Variants in TBCK observed in about 807,000 individuals in gnomAD.
TBCK encodes the protein TBC domain-containing protein kinase-like protein.
In TBCK, 99 loss-of-function variants were observed where a neutral mutation model predicts 113.4. The ratio of observed to expected loss-of-function variants is 0.87; its 90% confidence interval spans 0.74 to 1.03. TBCK has a LOEUF of 1.03. Ranked by LOEUF, TBCK falls within the 50% of genes least tolerant of loss-of-function variation. TBCK has a pLI of 0.00. For missense variants in TBCK, 1,045 were observed against 1,061.3 expected (o/e 0.98, Z 0.21); for synonymous variants, 369 against 370.8 (o/e 1.00, Z 0.05).
chr4:106,147,477 C>T (rs902412959), intron 23 of TBCK, among the ~76,000 whole-genome samples: 5 of 152,174 alleles, frequency 3.3e-5, no homozygotes, highest in Non-Finnish European at 5.9e-5. Flanking sequence ...GGCAGAAGAA[C>T]GTGGATTGTG....
At chr4:106,131,415 C>A (rs1484981398) in intron 23 of TBCK, among the ~76,000 whole-genome samples, 5 of 152,172 alleles carry the variant, frequency 3.3e-5, no homozygotes, top group African/African-American at 1.2e-4. Flanking sequence ...GAGTTTGAGA[C>A]CAGCCTGACC....
chr4:106,104,392 G>C (rs1741900115), intron 24 of TBCK, among the ~76,000 whole-genome samples: 1 of 152,252 alleles, frequency 6.6e-6, no homozygotes, highest in African/African-American at 2.4e-5. Flanking sequence ...CCAGCCTTCA[G>C]GCTTTGGACA....
At chr4:106,122,530 C>T (rs970370856) in intron 23 of TBCK, among the ~76,000 whole-genome samples, 41 of 152,278 alleles carry the variant, frequency 2.7e-4, no homozygotes, top group African/African-American at 9.6e-4. Context: ...TTTTATGAGG[C>T]CAGCATCATC....
intron 20 of TBCK, among the ~76,000 whole-genome samples, chr4:106,198,715 G>T (rs1466791801): frequency 6.6e-6 from 1 of 151,454 alleles, no homozygotes; most frequent in Non-Finnish European, 1.5e-5. Flanking sequence ...CTTAATTCTG[G>T]GTATATTCAT....
At chr4:106,157,194 T>C (rs2149697324) in intron 23 of TBCK, among the ~76,000 whole-genome samples, 1 of 152,210 alleles carries the variant, frequency 6.6e-6, no homozygotes, top group Non-Finnish European at 1.5e-5. Context: ...TCTATCCTAC[T>C]GTGGATGAGC....
chr4:106,073,042 CA>C (rs1737678536), intron 25 of TBCK, among the ~76,000 whole-genome samples: 1 of 152,182 alleles, frequency 6.6e-6, no homozygotes, highest in Non-Finnish European at 1.5e-5. Context: ...TGGGTTCGAA[CA>C]TCCTCCTTTA....
At chr4:106,217,031 G>A (rs1403733424) in intron 19 of TBCK, among the ~76,000 whole-genome samples, 1 of 152,036 alleles carries the variant, frequency 6.6e-6, no homozygotes, top group African/African-American at 2.4e-5. Context: ...GATCAAGTGG[G>A]CTTCATCCCT....
chr4:106,084,760 G>A (rs112200796), intron 25 of TBCK, among the ~76,000 whole-genome samples: 4,179 of 152,268 alleles, frequency 0.027, 188 homozygotes, highest in African/African-American at 0.096. Flanking sequence ...AACTCTACAA[G>A]CCAGAAGAGA....
intron 23 of TBCK, among the ~76,000 whole-genome samples, chr4:106,163,839 A>G (rs753795277): frequency 4.2e-4 from 64 of 152,140 alleles, no homozygotes; most frequent in Non-Finnish European, 7.2e-4. Flanking sequence ...AACCATATCA[A>G]TCTCTGTCTG....
At chr4:106,295,497 G>C (rs1315473450) in intron 2 of TBCK, among the ~76,000 whole-genome samples, 1 of 152,126 alleles carries the variant, frequency 6.6e-6, no homozygotes, top group Non-Finnish European at 1.5e-5. Context: ...AAGATTAGAT[G>C]AATATATAAA....
At chr4:106,079,399 G>A (rs1171680451) in intron 25 of TBCK, among the ~76,000 whole-genome samples, 2 of 152,196 alleles carry the variant, frequency 1.3e-5, no homozygotes, top group Non-Finnish European at 2.9e-5. Flanking sequence ...CTTCACAGAT[G>A]ATATGATTGT....
At chr4:106,196,269 A>G (rs932577384) in intron 20 of TBCK, among the ~76,000 whole-genome samples, 22 of 151,842 alleles carry the variant, frequency 1.4e-4, no homozygotes, top group African/African-American at 5.3e-4. Context: ...GAAGTGACAA[A>G]TCATCCTTAA....
chr4:106,088,189 T>C (rs1739737548), intron 25 of TBCK, among the ~76,000 whole-genome samples: 1 of 152,214 alleles, frequency 6.6e-6, no homozygotes, highest in Non-Finnish European at 1.5e-5. Context: ...GAGAAAATTC[T>C]TGCAATCTAC....
intron 25 of TBCK, among the ~76,000 whole-genome samples, chr4:106,071,161 G>A (rs918052578): frequency 1.3e-5 from 2 of 151,970 alleles, no homozygotes; most frequent in African/African-American, 4.8e-5. Context: ...GTTTGCTCTT[G>A]CTTCTCTAGT....
intron 25 of TBCK, among the ~76,000 whole-genome samples, chr4:106,091,096 C>T (rs1354206499): frequency 1.3e-5 from 2 of 152,128 alleles, no homozygotes; most frequent in South Asian, 4.1e-4. Context: ...TGAGACTGGG[C>T]AATCTATTAA....
At chr4:106,195,482 ATGTGTGTGTT>A (rs1222384527) in intron 20 of TBCK, among the ~76,000 whole-genome samples, 1 of 2,056 alleles carries the variant, frequency 4.9e-4, no homozygotes, top group Admixed American at 2.3e-3. Flanking sequence ...ATCTGGTTAA[ATGTGTGTGTT>A]TGTGTGTGTG....
At chr4:106,257,070 C>T (rs1762071169) in intron 5 of TBCK, among the ~76,000 whole-genome samples, 1 of 151,782 alleles carries the variant, frequency 6.6e-6, no homozygotes, top group Non-Finnish European at 1.5e-5. Flanking sequence ...TAAAAAATAC[C>T]CATTAGGATG....
intron 20 of TBCK, among the ~76,000 whole-genome samples, chr4:106,201,287 A>G (rs1161754570): frequency 6.6e-6 from 1 of 151,944 alleles, no homozygotes; most frequent in Non-Finnish European, 1.5e-5. Context: ...AAATATTGAT[A>G]TTTTCATCTT....
chr4:106,131,342 G>A (rs968159436), intron 23 of TBCK, among the ~76,000 whole-genome samples: 11 of 152,242 alleles, frequency 7.2e-5, no homozygotes, highest in Non-Finnish European at 1.0e-4. Flanking sequence ...GCCAGGCGCC[G>A]TGGCTCATGC....
Sources: allele counts gnomAD v4.1 joint callset (sites outside exome capture counted in the v4.1 genomes callset), GRCh38; gene constraint gnomAD v4.1.1; transcripts MANE v1.5; gene names NCBI Gene and HGNC (gene_info 2026-07-23, HGNC 2026-07-21).